The following DOK6 variants were observed in gnomAD, a reference collection of about 807,000 sequenced individuals.
DOK6 encodes docking protein 6.
DOK6 carries 22 observed loss-of-function variants against 44.0 expected under a neutral mutation model. The observed-to-expected ratio is 0.50, with a 90% CI of 0.36 to 0.71. The LOEUF is 0.71. Ranked by LOEUF, DOK6 falls within the 30% of genes least tolerant of loss-of-function variation. The pLI is 0.00. For missense variants in DOK6, 340 were observed against 416.4 expected (o/e 0.82, Z 1.60); for synonymous variants, 166 against 145.5 (o/e 1.14, Z -1.01).
At position 69,545,034 on chromosome 18, in the gene DOK6, T is replaced by G. The variant is rs746275440; in HGVS notation, c.67-19453T>G. On this transcript the variant is annotated intron_variant, in intron 1 of 7. Coordinates refer to ENST00000382713, the MANE Select transcript of DOK6 (RefSeq NM_152721.6). The stretch of plus-strand genomic sequence containing the variant: ...TACTCAGGAGGCTGAGGCAGGAGAA[T>G]CACTTGAACCCGGGGGTGGAGGTTG... Among the ~76,000 whole-genome samples, 16 of 150,050 alleles carry G rather than the reference T, an allele frequency of 1.1e-4. No homozygotes were observed. The Admixed American group carries it at 1.1e-3, about 10-fold the overall frequency.
At chr18:69,501,567 G>T (rs1474459126) in intron 1 of DOK6, among the ~76,000 whole-genome samples, 1 of 152,054 alleles carries the variant, frequency 6.6e-6, no homozygotes, top group Non-Finnish European at 1.5e-5. Context: ...CGTACTTGTG[G>T]GTCAGGGGAG....
At chr18:69,784,879 T>C (rs896759273) in intron 7 of DOK6, among the ~76,000 whole-genome samples, 10 of 152,218 alleles carry the variant, frequency 6.6e-5, no homozygotes, top group African/African-American at 2.4e-4. Context: ...ACTATGTTTT[T>C]TATCATTATA....
chr18:69,614,560 G>GTT (rs1984240118), intron 3 of DOK6, among the ~76,000 whole-genome samples: 1 of 151,568 alleles, frequency 6.6e-6, no homozygotes, highest in Non-Finnish European at 1.5e-5. Flanking sequence ...GTGTGTGTGT[G>GTT]TGTGTGTGTG....
At chr18:69,833,017 C>T (rs1981945950) in intron 7 of DOK6, among the ~76,000 whole-genome samples, 1 of 151,978 alleles carries the variant, frequency 6.6e-6, no homozygotes, top group Admixed American at 6.6e-5. Context: ...CGATGCAATC[C>T]CTATCAAAAT....
At chr18:69,725,954 C>T (rs1343809332) in intron 5 of DOK6, among the ~76,000 whole-genome samples, 1 of 152,184 alleles carries the variant, frequency 6.6e-6, no homozygotes, top group Non-Finnish European at 1.5e-5. Context: ...GCTTCCCTTT[C>T]ACAACTGAAC....
intron 7 of DOK6, among the ~76,000 whole-genome samples, chr18:69,816,391 C>T (rs978730261): frequency 3.9e-5 from 6 of 152,118 alleles, no homozygotes; most frequent in African/African-American, 1.2e-4. Flanking sequence ...TAATGACAGT[C>T]GTGACCACAC....
intron 7 of DOK6, among the ~76,000 whole-genome samples, chr18:69,792,405 C>T (rs1980628383): frequency 6.6e-6 from 1 of 151,664 alleles, no homozygotes; most frequent in Non-Finnish European, 1.5e-5. Flanking sequence ...TTTTGGTGTC[C>T]TCTTCTATTT....
At chr18:69,410,990 T>G (rs1978303531) in intron 1 of DOK6, among the ~76,000 whole-genome samples, 2 of 152,268 alleles carry the variant, frequency 1.3e-5, no homozygotes, top group South Asian at 4.1e-4. Context: ...TTATGTTCTT[T>G]TCTTTGTTCT....
intron 1 of DOK6, among the ~76,000 whole-genome samples, chr18:69,549,820 T>A (rs1982512548): frequency 6.6e-6 from 1 of 151,150 alleles, no homozygotes; most frequent in African/African-American, 2.4e-5. Context: ...CATTTTTTAT[T>A]TGAAAGAATT....
chr18:69,677,374 A>ATATATTATATATGTGTGTGTG (rs1458647612), intron 3 of DOK6, among the ~76,000 whole-genome samples: 117 of 149,992 alleles, frequency 7.8e-4, no homozygotes, highest in Non-Finnish European at 1.5e-3. Context: ...GTGTGTGTAT[A>ATATATTATATATGTGTGTGTG]TATATATATA....
chr18:69,599,673 T>C lies in DOK6; in HGVS notation c.289+175T>C, dbSNP rs560793860. 3.3e-5 allele frequency among the ~76,000 whole-genome samples: 5 copies of C among 152,302 alleles called. No individual in the cohort carries two copies. In the South Asian group the frequency reaches 1.0e-3, roughly 32 times the overall value. On this transcript the variant is annotated intron_variant, in intron 3 of 7. Transcript: ENST00000382713. ...ATTTCTACAGATGTTTTTGTGCCTG[T>C]TGTTACATGTCTGTGTCTGGATTTG... is the stretch of plus-strand genomic sequence containing the variant.
intron 5 of DOK6, among the ~76,000 whole-genome samples, chr18:69,726,408 C>T (rs945221121): frequency 4.6e-5 from 7 of 152,124 alleles, no homozygotes; most frequent in Non-Finnish European, 8.8e-5. Context: ...CTCCAGTTTC[C>T]GGCTAAGCAT....
intron 5 of DOK6, 65 bp downstream of exon 5, chr18:69,698,658 C>A: frequency 6.7e-7 from 1 of 1,489,916 alleles, no homozygotes; most frequent in Non-Finnish European, 9.0e-7. Flanking sequence ...ATAACAGAGT[C>A]CTGAAAGAGA....
chr18:69,632,426 T>C (rs2144647319), intron 3 of DOK6, among the ~76,000 whole-genome samples: 1 of 152,336 alleles, frequency 6.6e-6, no homozygotes, highest in South Asian at 2.1e-4. Flanking sequence ...AGTATTTTTT[T>C]CCCTCTAAAA....
chr18:69,736,282 A>G (rs891669364), intron 5 of DOK6, among the ~76,000 whole-genome samples: 1 of 151,628 alleles, frequency 6.6e-6, no homozygotes, highest in Non-Finnish European at 1.5e-5. Flanking sequence ...TTTGAATCCT[A>G]TATTGTTATA....
chr18:69,824,200 C>CG (rs1418626011), intron 7 of DOK6, among the ~76,000 whole-genome samples: 47 of 134,090 alleles, frequency 3.5e-4, no homozygotes, highest in Admixed American at 2.6e-3. Context: ...CCCCCCTCCC[C>CG]CCACCCCACA....
At chr18:69,653,982 C>T (rs559126513) in intron 3 of DOK6, among the ~76,000 whole-genome samples, 90 of 152,122 alleles carry the variant, frequency 5.9e-4, no homozygotes, top group African/African-American at 2.2e-3. Context: ...TTAACATGCT[C>T]AAAATATGAA....
chr18:69,813,668 A>G (rs560529304), intron 7 of DOK6, among the ~76,000 whole-genome samples: 44 of 152,246 alleles, frequency 2.9e-4, no homozygotes, highest in Middle Eastern at 3.4e-3. Flanking sequence ...GAACCTAAGG[A>G]AAGCTTTGTC....
At chr18:69,697,683 A>T (rs1208242220) in intron 4 of DOK6, among the ~76,000 whole-genome samples, 1 of 151,032 alleles carries the variant, frequency 6.6e-6, no homozygotes, top group Non-Finnish European at 1.5e-5. Context: ...ATAACTTTGC[A>T]ATAGCCTTTA....
Sources: gnomAD v4.1 joint callset for allele counts (sites outside exome capture counted in the v4.1 genomes callset) on GRCh38, gnomAD v4.1.1 for gene constraint, MANE v1.5 for transcripts, NCBI Gene and HGNC (gene_info 2026-07-23, HGNC 2026-07-21) for gene names.